Variants in MIA3 observed in about 807,000 individuals in gnomAD.
MIA3 encodes the protein MIA SH3 domain ER export factor 3, also known as transport and Golgi organization protein 1 homolog.
A neutral mutation model predicts 192.4 loss-of-function variants in MIA3; 90 were observed. That is an observed-to-expected ratio of 0.47 (90% CI 0.39 to 0.56). The LOEUF (loss-of-function observed/expected upper bound fraction) is 0.56. MIA3 is among the 20% of genes least tolerant of loss of function. The pLI, the probability that MIA3 is intolerant of heterozygous loss-of-function variation, is 0.00. For missense variants in MIA3, 2,123 were observed against 2,269.4 expected (o/e 0.94, Z 1.31); for synonymous variants, 740 against 792.8 (o/e 0.93, Z 1.12).
intron 6 of MIA3, among the ~76,000 whole-genome samples, chr1:222,643,082 T>C (rs1662934345): frequency 1.3e-5 from 2 of 152,204 alleles, no homozygotes; most frequent in African/African-American, 4.8e-5. Context: ...TTTTCCTTTG[T>C]TGCTTTTGGA....
chr1:222,641,729 T>C (rs1662867111), intron 6 of MIA3: 4 of 558,482 alleles, frequency 7.2e-6, no homozygotes, highest in African/African-American at 3.8e-5. Flanking sequence ...AGACAGTCCT[T>C]GGCTTCTACA....
At chr1:222,652,579 T>G (rs1172733124) in intron 13 of MIA3, among the ~76,000 whole-genome samples, 2 of 152,212 alleles carry the variant, frequency 1.3e-5, no homozygotes, top group African/African-American at 4.8e-5. Context: ...CAGACACCAA[T>G]TGCTATTAAC....
At chr1:222,643,452 T>G (rs564740919) in intron 6 of MIA3, among the ~76,000 whole-genome samples, 15 of 152,286 alleles carry the variant, frequency 9.8e-5, no homozygotes, top group African/African-American at 3.6e-4. Context: ...ACTGCTCTTC[T>G]TTCTCAGGGT....
At chr1:222,631,064 C>T (rs1030700957) in intron 4 of MIA3, among the ~76,000 whole-genome samples, 1 of 152,000 alleles carries the variant, frequency 6.6e-6, no homozygotes, top group South Asian at 2.1e-4. Flanking sequence ...CTTTTCTTTT[C>T]TTTTCTTTCC....
chr1:222,628,383 T>C lies in MIA3; in HGVS notation c.1163T>C (p.Phe388Ser), dbSNP rs768081290. The change falls in exon 4 of 28, where the codon TTC becomes TCC. Residue 388 changes from phenylalanine to serine, a missense_variant. By Grantham distance (155) the Phe-to-Ser change is radical. This residue lies in a region of MIA3 where 1,357 missense variants were observed against 1,396.1 expected (regional missense o/e 0.97). Coordinates refer to ENST00000344922, the MANE Select transcript of MIA3 (RefSeq NM_198551.4). The stretch of plus-strand genomic sequence containing the variant: ...CTAACAACCTGGGGGGACACTATCT[T>C]CTCTATTGTCACAGGAGGTGAAGAA... ...NILTTWGDTI[F>S]SIVTGGEETR... 17 of 1,614,018 alleles carry C rather than the reference T, an allele frequency of 1.1e-5. No homozygotes were observed. The South Asian group carries it at 1.8e-4, about 17-fold the overall frequency.
chr1:222,656,375 G>C (rs182136167), intron 18 of MIA3, among the ~76,000 whole-genome samples: 2 of 152,128 alleles, frequency 1.3e-5, no homozygotes, highest in Non-Finnish European at 2.9e-5. Flanking sequence ...CTGGAATTTC[G>C]ATAGTTGTTT....
Position 222,628,917 on chromosome 1 carries a change from A to G in MIA3, c.1697A>G (p.Gln566Arg). The change falls in exon 4 of 28, where the codon CAA (glutamine) becomes CGA (arginine). Residue 566 changes from glutamine to arginine, a missense_variant. Physicochemically the swap from Gln to Arg is conservative, Grantham distance 43. Coordinates refer to ENST00000344922, the MANE Select transcript of MIA3 (RefSeq NM_198551.4). Reference sequence around the variant, plus strand: ...TCTGCACAGAAAGCTGCAGGGAATCAAATGAATGACAGAAAGATTCAACAG... The same window carrying G: ...TCTGCACAGAAAGCTGCAGGGAATCGAATGAATGACAGAAAGATTCAACAG... ...SESAQKAAGN[Q>R]MNDRKIQQES... 1 of 1,614,208 alleles carries G rather than the reference A, an allele frequency of 6.2e-7. No homozygotes were observed. The highest frequency in any genetic ancestry group is 8.5e-7 in the Non-Finnish European group (1 of 1,180,028).
At chr1:222,631,162 C>T (rs1395411409) in intron 4 of MIA3, among the ~76,000 whole-genome samples, 1 of 151,348 alleles carries the variant, frequency 6.6e-6, no homozygotes, top group African/African-American at 2.4e-5. Context: ...CACCCTGTCA[C>T]CCAGGCTGGA....
chr1:222,659,087 T>C (rs1348826151), intron 19 of MIA3: 1 of 426,294 alleles, frequency 2.3e-6, no homozygotes, highest in Middle Eastern at 6.2e-4. Flanking sequence ...TCAAAAGCCA[T>C]TAAAGTGATT....
intron 26 of MIA3, 171 bp downstream of exon 26, chr1:222,662,503 A>C (rs1378228876): frequency 7.0e-7 from 1 of 1,429,630 alleles, no homozygotes; most frequent in South Asian, 1.4e-5. Flanking sequence ...TCCCAGCATT[A>C]CATCTTTGGC....
At position 222,628,891 on chromosome 1, in the gene MIA3, A is replaced by G. The variant is rs759896386; in HGVS notation, c.1671A>G (p.Glu557=). 6.2e-7 allele frequency: 1 copy of G among 1,614,202 alleles called. No individual in the cohort carries two copies. The highest frequency in any genetic ancestry group is 1.3e-5 in the African/African-American group (1 of 75,074). ...TTTTGGAAGGTGGCTCAGAGAGTGA[A>G]TCTGCACAGAAAGCTGCAGGGAATC... is the stretch of plus-strand genomic sequence containing the variant. ...EQILEGGSES[E]SAQKAAGNQM... is the part of the protein sequence containing the mutation. The change falls in exon 4 of 28, where the codon GAA becomes GAG. Residue 557 remains glutamate, a synonymous_variant. Transcript: ENST00000344922.
chr1:222,652,356 G>A (rs1277039519), intron 13 of MIA3, 24 bp downstream of exon 13: 2 of 1,497,194 alleles, frequency 1.3e-6, no homozygotes, highest in East Asian at 2.3e-5. Flanking sequence ...CGTGTCCCAG[G>A]TCATGTAAAA....
Position 222,632,174 on chromosome 1 carries a change from C to T in MIA3, c.3179C>T (p.Pro1060Leu). ...GLGGAMEEMQ[P>L]LHEDNFSREK... ...ATTCTTCTCACCCTAGAGATGCAAC[C>T]ACTGCATGAAGATAATTTCTCACGA... The change falls in exon 5 of 28, where the codon CCA (proline) becomes CTA (leucine). Residue 1060 changes from proline to leucine, a missense_variant. By Grantham distance (98) the Pro-to-Leu change is moderately conservative. Coordinates refer to ENST00000344922, the MANE Select transcript of MIA3 (RefSeq NM_198551.4). 2.5e-6 allele frequency: 4 copies of T among 1,613,930 alleles called. No homozygotes were observed. The highest frequency in any genetic ancestry group is 3.4e-6 in the Non-Finnish European group (4 of 1,179,896).
intron 6 of MIA3, among the ~76,000 whole-genome samples, chr1:222,635,756 G>T (rs1272618870): frequency 6.6e-6 from 1 of 152,116 alleles, no homozygotes; most frequent in Non-Finnish European, 1.5e-5. Flanking sequence ...GAATCTTAGG[G>T]TTGGAAGAGA....
At chr1:222,643,089 T>C (rs1233833943) in intron 6 of MIA3, among the ~76,000 whole-genome samples, 1 of 152,218 alleles carries the variant, frequency 6.6e-6, no homozygotes, top group Admixed American at 6.5e-5. Context: ...TTGTTGCTTT[T>C]GGATTTTGAT....
chr1:222,636,820 C>A lies in MIA3; in HGVS notation c.3477+3571C>A, dbSNP rs530632432. On this transcript the variant is annotated intron_variant, in intron 6 of 27. Coordinates refer to ENST00000344922, the MANE Select transcript of MIA3 (RefSeq NM_198551.4). Reference sequence around the variant, plus strand: ...AGCCACTGTGCCCAGCCCATAGTATCCATCTTTCTGGTACCTTTTCCTGCA... The same window carrying A: ...AGCCACTGTGCCCAGCCCATAGTATACATCTTTCTGGTACCTTTTCCTGCA... 2.8e-4 allele frequency among the ~76,000 whole-genome samples: 43 copies of A among 152,208 alleles called. 1 individual carries two copies. The South Asian group carries it at 8.9e-3, about 32-fold the overall frequency.
At chr1:222,658,231 TTAATTG>T (rs1384543975) in intron 18 of MIA3, among the ~76,000 whole-genome samples, 2 of 152,150 alleles carry the variant, frequency 1.3e-5, no homozygotes, top group Non-Finnish European at 2.9e-5. Context: ...TGTTCTGGGG[TTAATTG>T]TACAGTTAAG....
At chr1:222,660,403 G>C in intron 24 of MIA3, 89 bp downstream of exon 24, 1 of 1,387,072 alleles carries the variant, frequency 7.2e-7, no homozygotes, top group Non-Finnish European at 9.7e-7. Flanking sequence ...TTTAGAATTC[G>C]GGTCTGTCCA....
chr1:222,654,365 A>G, intron 16 of MIA3, 24 bp from the exon 17 acceptor site: 1 of 1,612,222 alleles, frequency 6.2e-7, no homozygotes, highest in Non-Finnish European at 8.5e-7. Context: ...TTTTATGAAT[A>G]CTTGTCTCTT....
Sources: allele counts gnomAD v4.1 joint callset (sites outside exome capture counted in the v4.1 genomes callset), GRCh38; gene constraint gnomAD v4.1.1; regional missense constraint gnomAD v4.1.1; transcripts MANE v1.5; gene names NCBI Gene and HGNC (gene_info 2026-07-23, HGNC 2026-07-21).